The following RPN2 variants were observed in gnomAD, a reference collection of about 807,000 sequenced individuals.
The protein encoded by RPN2 is dolichyl-diphosphooligosaccharide--protein glycosyltransferase subunit 2.
A neutral mutation model predicts 71.4 loss-of-function variants in RPN2; 29 were observed. That is an observed-to-expected ratio of 0.41 (90% CI 0.30 to 0.55). RPN2 has a LOEUF of 0.55. RPN2 is among the 20% of genes least tolerant of loss of function. RPN2 has a pLI of 0.35. For missense variants in RPN2, 726 were observed against 774.1 expected, an observed-to-expected ratio of 0.94 and a Z score of 0.74; for synonymous variants, 308 against 305.0, an observed-to-expected ratio of 1.01 and a Z score of -0.10.
chr20:37,209,625 A>AACTAATTTTTTAATCT (rs2067606721), intron 7 of RPN2, among the ~76,000 whole-genome samples: 1 of 152,014 alleles, frequency 6.6e-6, no homozygotes, highest in African/African-American at 2.4e-5. Context: ...CACCATGCCC[A>AACTAATTTTTTAATCT]GCTAATTTTT....
At chr20:37,204,055 GT>G in intron 5 of RPN2, 95 bp downstream of exon 5, 1 of 847,768 alleles carries the variant, frequency 1.2e-6, no homozygotes, top group Non-Finnish European at 2.0e-6. Context: ...GTTACTACAG[GT>G]TACATTGCTT....
rs531299081 is a variant in RPN2, at chr20:37,235,285, C to CGA, written c.1753+1193_1753+1194dup. ...GTATGATAGCCCTCTGGGGTCAGAC[C>CGA]GAGAAGAAAACCTGAATATAAATCT... On this transcript the variant is annotated intron_variant, in intron 15 of 16. Transcript: ENST00000237530. Among the ~76,000 whole-genome samples the CGA allele has an allele frequency of 9.9e-4, 151 of 152,234 alleles. 1 individual carries two copies. Among genetic ancestry groups the CGA allele is most frequent in the Admixed American group, 1.6e-3 (25 of 15,286 alleles).
In RPN2 at chr20:37,234,184, A is replaced by G. The variant is rs207477545; in HGVS notation, c.1753+89A>G. 36 of 1,220,652 alleles carry G rather than the reference A, an allele frequency of 2.9e-5. No individual in the cohort carries two copies. The South Asian group carries it at 3.4e-4, about 12-fold the overall frequency. 75.6% of individuals were successfully genotyped at this position (1,220,652 alleles called of 1,614,324 possible). On this transcript the variant is annotated intron_variant, in intron 15 of 16. Transcript: ENST00000237530. ...GCCCTGTTAAGTAGACCCACAACCTATTACCTATAATGACTTAATAGCATT... is the reference window on the plus strand; with the variant it reads ...GCCCTGTTAAGTAGACCCACAACCTGTTACCTATAATGACTTAATAGCATT...
chr20:37,224,244 G>A (rs575316746), intron 10 of RPN2, among the ~76,000 whole-genome samples: 124 of 152,210 alleles, frequency 8.1e-4, no homozygotes, highest in Non-Finnish European at 1.6e-3. Flanking sequence ...CAGGATGTTA[G>A]TCTGAGTCAG....
chr20:37,179,615 G>T, intron 1 of RPN2: 1 of 993,894 alleles, frequency 1.0e-6, no homozygotes, highest in South Asian at 2.1e-5. Flanking sequence ...TCGCCCCGAG[G>T]CTCAGCCGTG....
rs1231118715 is a variant in RPN2 at position 37,241,163 on chromosome 20, T to C, written c.1884-140T>C. 4.2e-6 allele frequency: 4 copies of C among 956,264 alleles called. No individual in the cohort carries two copies. In the Admixed American group the frequency reaches 6.0e-5, roughly 14 times the overall value. 59.2% of individuals were successfully genotyped at this position (956,264 alleles called of 1,614,324 possible). Reference sequence around the variant, plus strand: ...GAGATGGGGCATACATAAATAGACTTGGGAGATAAATGATTATTCCCTTAT... The same window carrying C: ...GAGATGGGGCATACATAAATAGACTCGGGAGATAAATGATTATTCCCTTAT... On this transcript the variant is annotated intron_variant, in intron 16 of 16. Coordinates refer to ENST00000237530, the MANE Select transcript of RPN2 (RefSeq NM_002951.5).
At chr20:37,179,532 T>G in intron 1 of RPN2, 163 bp downstream of exon 1, 1 of 1,397,638 alleles carries the variant, frequency 7.2e-7, no homozygotes, top group South Asian at 1.6e-5. Context: ...GAAGGAGGGC[T>G]GCGAGCTGGT....
chr20:37,182,219 A>G (rs1415226054), intron 1 of RPN2, among the ~76,000 whole-genome samples: 1 of 150,330 alleles, frequency 6.7e-6, no homozygotes, highest in Non-Finnish European at 1.5e-5. Context: ...TCAGCCTCCC[A>G]AGTAGTTTGG....
At chr20:37,224,102 C>A in intron 10 of RPN2, 133 bp downstream of exon 10, 2 of 749,828 alleles carry the variant, frequency 2.7e-6, no homozygotes, top group South Asian at 2.9e-5. Flanking sequence ...ATTAAAGAGT[C>A]TGTAGTTCCA....
chr20:37,191,543 G>A (rs994231542), intron 2 of RPN2, among the ~76,000 whole-genome samples: 3 of 151,700 alleles, frequency 2.0e-5, no homozygotes, highest in African/African-American at 4.8e-5. Context: ...CGAGGCAGGC[G>A]GATCACGAGG....
Position 37,239,047 on chromosome 20 carries a change from C to T in RPN2, c.1884-2256C>T, listed in dbSNP as rs143400962. Among the ~76,000 whole-genome samples, 434 of 152,314 alleles carry T rather than the reference C, an allele frequency of 2.8e-3. 1 individual carries two copies. The highest frequency in any genetic ancestry group is 0.01 in the African/African-American group (421 of 41,560). ...TGTGAAGTGAGATTCCACTCATTCT[C>T]CTTCTGCATATCAGTCCTAGGATGG... On this transcript the variant is annotated intron_variant, in intron 16 of 16. Transcript: ENST00000237530.
At chr20:37,213,168 C>A (rs2067716596) in intron 8 of RPN2, among the ~76,000 whole-genome samples, 1 of 152,150 alleles carries the variant, frequency 6.6e-6, no homozygotes, top group Admixed American at 6.5e-5. Context: ...CATTGTGAAA[C>A]ATATGTGGGA....
At chr20:37,232,478 GC>G in intron 14 of RPN2, 87 bp downstream of exon 14, 9 of 1,512,734 alleles carry the variant, frequency 5.9e-6, no homozygotes, top group Middle Eastern at 3.4e-4. Context: ...GTGTTGTCTG[GC>G]CTCAGTAAAG....
At chr20:37,191,924 C>T (rs1473616586) in intron 2 of RPN2, among the ~76,000 whole-genome samples, 5 of 117,876 alleles carry the variant, frequency 4.2e-5, no homozygotes, top group South Asian at 3.2e-4. Flanking sequence ...CCCCCACCCC[C>T]GATTTCTGCA....
At position 37,241,369 on chromosome 20, in the gene RPN2, G is replaced by A. The variant is rs1467361333; in HGVS notation, c.*54G>A. 6.3e-7 allele frequency: 1 copy of A among 1,593,268 alleles called. No homozygotes were observed. The highest frequency in any genetic ancestry group is 1.7e-5 in the Admixed American group (1 of 59,518). On this transcript the variant is annotated 3_prime_UTR_variant, in exon 17 of 17. Coordinates refer to ENST00000237530, the MANE Select transcript of RPN2 (RefSeq NM_002951.5). ...ACTGAATGTCAAGAAAAGGAGTCAA[G>A]AACAATTCACAGTATGAGAAGAAAA...
At chr20:37,207,585 T>G in intron 7 of RPN2, 136 bp downstream of exon 7, 1 of 825,116 alleles carries the variant, frequency 1.2e-6, no homozygotes, top group Non-Finnish European at 2.1e-6. Context: ...AAGGCTCATT[T>G]CCCTGAGCCT....
intron 12 of RPN2, 200 bp from the exon 13 acceptor site, chr20:37,229,773 A>C: frequency 1.6e-6 from 1 of 623,494 alleles, no homozygotes; most frequent in South Asian, 1.9e-5. Flanking sequence ...GTCTTGCTCT[A>C]AAAAGCATTT....
chr20:37,225,068 C>G (rs1174586527), intron 10 of RPN2, among the ~76,000 whole-genome samples: 1 of 152,204 alleles, frequency 6.6e-6, no homozygotes, highest in Non-Finnish European at 1.5e-5. Flanking sequence ...GGTTTATCCC[C>G]TGGCCATCTT....
At chr20:37,238,729 G>T (rs771227203) in intron 16 of RPN2, 2 of 678,906 alleles carry the variant, frequency 2.9e-6, no homozygotes, top group African/African-American at 1.7e-5. Flanking sequence ...CTTATATCCC[G>T]TGGGGTACTT....
Sources: gnomAD v4.1 joint callset for allele counts (sites outside exome capture counted in the v4.1 genomes callset) on GRCh38, gnomAD v4.1.1 for gene constraint, MANE v1.5 for transcripts, NCBI Gene and HGNC (gene_info 2026-07-23, HGNC 2026-07-21) for gene names.